The following UNC5C variants were observed in gnomAD, a reference collection of about 807,000 sequenced individuals.
The protein encoded by UNC5C is netrin receptor UNC5C.
Under a neutral mutation model 99.8 loss-of-function variants are expected in UNC5C, and 47 were observed. That is an observed-to-expected ratio of 0.47 (90% confidence interval 0.37 to 0.60). UNC5C has a LOEUF of 0.60. Among genes scored for constraint, UNC5C ranks in the 20% least tolerant of loss-of-function variants. UNC5C has a pLI of 0.00. For synonymous variants in UNC5C, 487 were observed against 452.2 expected (o/e 1.08, Z -0.98); for missense variants, 1,062 against 1,165.9 (o/e 0.91, Z 1.30).
chr4:95,427,785 C>T (rs1265461014), intron 1 of UNC5C, among the ~76,000 whole-genome samples: 1 of 152,074 alleles, frequency 6.6e-6, no homozygotes, highest in Non-Finnish European at 1.5e-5. Context: ...GGAACCAAAC[C>T]CACAATATCT....
At position 95,242,475 on chromosome 4, in the gene UNC5C, G is replaced by A; in HGVS notation, c.1062C>T (p.Gly354=). The part of the protein sequence containing the change: ...APKNGGKDCD[G]LVLQSKNCTD... ...TGCAGTTCTTGGATTGCAAGACGAG[G>A]CCGTCGCAGTCCTTGCCTCCATTCT... is the stretch of plus-strand genomic sequence containing the variant. Residue 354 remains glycine, a synonymous_variant, in exon 7 of 16, where the codon GGC becomes GGT. Coordinates refer to ENST00000453304, the MANE Select transcript of UNC5C (RefSeq NM_003728.4). 1.2e-6 allele frequency: 2 copies of A among 1,614,056 alleles called. No individual in the cohort carries two copies. The highest frequency in any genetic ancestry group is 2.2e-5 in the South Asian group (2 of 91,068).
intron 4 of UNC5C, among the ~76,000 whole-genome samples, chr4:95,275,712 G>A (rs1356781278): frequency 6.6e-6 from 1 of 152,156 alleles, no homozygotes; most frequent in Non-Finnish European, 1.5e-5. Context: ...GATTTGGAGA[G>A]AAAAGGAATT....
intron 4 of UNC5C, among the ~76,000 whole-genome samples, chr4:95,255,450 C>G (rs143518882): frequency 1.9e-3 from 288 of 152,272 alleles, no homozygotes; most frequent in African/African-American, 6.6e-3. Context: ...ACACTCCTCT[C>G]CACTACCTCC....
At chr4:95,280,644 G>A (rs1249592929) in intron 3 of UNC5C, among the ~76,000 whole-genome samples, 1 of 151,698 alleles carries the variant, frequency 6.6e-6, no homozygotes, top group Admixed American at 6.6e-5. Context: ...AGCCAAGATT[G>A]CACCACTGTA....
chr4:95,306,168 C>T (rs1296582734), intron 2 of UNC5C, among the ~76,000 whole-genome samples: 1 of 151,874 alleles, frequency 6.6e-6, no homozygotes, highest in Non-Finnish European at 1.5e-5. Flanking sequence ...ATTACTTAGC[C>T]TTAAGCTCTC....
At chr4:95,535,883 T>C (rs1722760023) in intron 1 of UNC5C, among the ~76,000 whole-genome samples, 2 of 151,664 alleles carry the variant, frequency 1.3e-5, no homozygotes, top group Admixed American at 1.3e-4. Flanking sequence ...TAAAGAAAGA[T>C]TGAGCTGGAA....
chr4:95,433,724 G>C (rs1374507434), intron 1 of UNC5C, among the ~76,000 whole-genome samples: 1 of 152,014 alleles, frequency 6.6e-6, no homozygotes, highest in Non-Finnish European at 1.5e-5. Context: ...CAAATATTAA[G>C]TTTACATTCA....
chr4:95,335,335 T>A, intron 2 of UNC5C, 75 bp downstream of exon 2: 1 of 1,311,182 alleles, frequency 7.6e-7, no homozygotes, highest in Non-Finnish European at 1.1e-6. Context: ...CTAATTGAAA[T>A]AACAGTATGT....
At chr4:95,349,745 T>C (rs534462197) in intron 1 of UNC5C, among the ~76,000 whole-genome samples, 114 of 152,124 alleles carry the variant, frequency 7.5e-4, no homozygotes, top group African/African-American at 2.6e-3. Flanking sequence ...TTATAGACCA[T>C]GGTACTTGTA....
chr4:95,475,516 A>G (rs1748116248), intron 1 of UNC5C, among the ~76,000 whole-genome samples: 1 of 151,820 alleles, frequency 6.6e-6, no homozygotes, highest in Non-Finnish European at 1.5e-5. Flanking sequence ...TGTGACAGTC[A>G]GGAGAGAAAG....
intron 1 of UNC5C, among the ~76,000 whole-genome samples, chr4:95,483,071 AG>A (rs1308807832): frequency 1.4e-5 from 2 of 147,090 alleles, no homozygotes; most frequent in African/African-American, 4.9e-5. Context: ...AAAAAAAAAA[AG>A]TACCAGCCCA....
intron 1 of UNC5C, among the ~76,000 whole-genome samples, chr4:95,547,872 A>G (rs1341652083): frequency 6.6e-6 from 1 of 151,826 alleles, no homozygotes; most frequent in East Asian, 1.9e-4. Context: ...ACCCATCCCC[A>G]ACTCCCGGCC....
rs138406553 is a variant in UNC5C at position 95,265,035 on chromosome 4, G to A, written c.594+13224C>T. Among the ~76,000 whole-genome samples, 1,241 of 152,214 alleles carry A rather than the reference G, an allele frequency of 8.2e-3. 25 individuals are homozygous for A. The highest frequency in any genetic ancestry group is 0.066 in the South Asian group (320 of 4,816). ...ACCTGGGGAGCGCTTAAGCCATCCTGATGCCTGGGGCCCCACCTTCAATGG... is the reference window on the plus strand; with the variant it reads ...ACCTGGGGAGCGCTTAAGCCATCCTAATGCCTGGGGCCCCACCTTCAATGG... On this transcript the variant is annotated intron_variant, in intron 4 of 15. Coordinates refer to ENST00000453304, the MANE Select transcript of UNC5C (RefSeq NM_003728.4).
At chr4:95,239,648 T>G (rs1021552703) in intron 7 of UNC5C, among the ~76,000 whole-genome samples, 3 of 152,214 alleles carry the variant, frequency 2.0e-5, no homozygotes, top group Non-Finnish European at 2.9e-5. Flanking sequence ...TTCTTTCTTT[T>G]GGACCACGTA....
intron 9 of UNC5C, 54 bp from the exon 10 acceptor site, chr4:95,216,265 G>T: frequency 1.4e-6 from 2 of 1,415,460 alleles, no homozygotes; most frequent in East Asian, 2.3e-5. Flanking sequence ...CACGTAAAAG[G>T]GAATGAGGAG....
chr4:95,390,519 G>T (rs1249803283), intron 1 of UNC5C, among the ~76,000 whole-genome samples: 1 of 152,122 alleles, frequency 6.6e-6, no homozygotes, highest in Non-Finnish European at 1.5e-5. Context: ...GTGTCCAGAG[G>T]TCTGAATTGA....
chr4:95,338,858 G>T (rs536964926), intron 1 of UNC5C, among the ~76,000 whole-genome samples: 1 of 152,090 alleles, frequency 6.6e-6, no homozygotes, highest in African/African-American at 2.4e-5. Flanking sequence ...AACAGGACTG[G>T]CTACAAAATT....
chr4:95,374,378 G>A (rs566915917), intron 1 of UNC5C, among the ~76,000 whole-genome samples: 2 of 152,234 alleles, frequency 1.3e-5, no homozygotes, highest in Admixed American at 6.5e-5. Context: ...TGCTTTGAGT[G>A]TCACGGGTTT....
chr4:95,411,234 T>C (rs890997789), intron 1 of UNC5C, among the ~76,000 whole-genome samples: 1 of 152,180 alleles, frequency 6.6e-6, no homozygotes, highest in Non-Finnish European at 1.5e-5. Flanking sequence ...CATAACTTTC[T>C]GCCTGAAACG....
Sources: gnomAD v4.1 joint callset for allele counts (sites outside exome capture counted in the v4.1 genomes callset) on GRCh38, gnomAD v4.1.1 for gene constraint, MANE v1.5 for transcripts, NCBI Gene and HGNC (gene_info 2026-07-23, HGNC 2026-07-21) for gene names.